The following DAB2IP variants were observed in gnomAD, a reference collection of about 807,000 sequenced individuals.
DAB2IP encodes the protein disabled homolog 2-interacting protein.
DAB2IP carries 28 observed loss-of-function variants against 107.2 expected under a neutral mutation model. The ratio of observed to expected loss-of-function variants is 0.26; its 90% CI spans 0.19 to 0.36. DAB2IP has a LOEUF of 0.36. DAB2IP is among the 10% of genes least tolerant of loss of function. The pLI is 1.00. For missense variants in DAB2IP, 1,400 were observed against 1,644.7 expected (o/e 0.85, Z 2.57); for synonymous variants, 755 against 706.4 (o/e 1.07, Z -1.09).
At chr9:121,773,321 C>A in exon 12 of DAB2IP, 1 of 1,531,766 alleles carries the variant, frequency 6.5e-7, no homozygotes, top group East Asian at 2.4e-5. Context: ...CTCCTGCCCC[C>A]CGCGGCCGGA....
At chr9:121,691,141 G>A (rs1361527707) in intron 2 of DAB2IP, among the ~76,000 whole-genome samples, 1 of 152,176 alleles carries the variant, frequency 6.6e-6, no homozygotes, top group Non-Finnish European at 1.5e-5. Flanking sequence ...AAATATTTGT[G>A]AATTCATTCA....
intron 1 of DAB2IP, among the ~76,000 whole-genome samples, chr9:121,577,781 G>A (rs1021382377): frequency 1.3e-5 from 2 of 152,210 alleles, no homozygotes; most frequent in African/African-American, 2.4e-5. Context: ...TGGCGGTGGA[G>A]GGCGGGGACC....
chr9:121,600,119 G>T (rs146383320), intron 1 of DAB2IP, among the ~76,000 whole-genome samples: 4,041 of 152,132 alleles, frequency 0.027, 77 homozygotes, highest in Non-Finnish European at 0.035. Flanking sequence ...TGGGGGTGGG[G>T]GGTGCCAGCC....
At position 121,633,013 on chromosome 9, in the gene DAB2IP, C is replaced by A. The variant is rs1419551793; in HGVS notation, c.41-45665C>A. On this transcript the variant is annotated intron_variant, in intron 1 of 16. Transcript: ENST00000259371. This position sits in a 1 kb window ranked among gnomAD's most constrained non-coding sequence, Gnocchi z 5.1. ...AACCCTGCTCAGCTTCCCTCTCTCC[C>A]AGACTGAGGGGTTCCAGCTGCTCCG... is the stretch of plus-strand genomic sequence containing the variant. Among the ~76,000 whole-genome samples, 1 of 152,248 alleles carries A rather than the reference C, an allele frequency of 6.6e-6. No individual in the cohort carries two copies. The highest frequency in any genetic ancestry group is 2.4e-5 in the African/African-American group (1 of 41,468).
At chr9:121,582,198 C>CGG (rs1349029377) in intron 1 of DAB2IP, among the ~76,000 whole-genome samples, 1 of 152,120 alleles carries the variant, frequency 6.6e-6, no homozygotes, top group Non-Finnish European at 1.5e-5. Context: ...CCATTTTCAG[C>CGG]GGGCCCAGAA....
chr9:121,724,768 G>A (rs955932396), intron 3 of DAB2IP, among the ~76,000 whole-genome samples: 3 of 152,180 alleles, frequency 2.0e-5, no homozygotes, highest in Non-Finnish European at 2.9e-5. Flanking sequence ...ACAGAACCAG[G>A]ATTTTAGCCC....
chr9:121,757,864 G>A (rs1833604701), intron 4 of DAB2IP, among the ~76,000 whole-genome samples: 1 of 152,256 alleles, frequency 6.6e-6, no homozygotes, highest in African/African-American at 2.4e-5. Context: ...TGCATAACTA[G>A]GAGAGCTCTC....
chr9:121,624,297 G>A (rs1564118073), intron 1 of DAB2IP, among the ~76,000 whole-genome samples: 1 of 152,250 alleles, frequency 6.6e-6, no homozygotes, highest in South Asian at 2.1e-4. Context: ...CAGCTTGTAG[G>A]AGTCACAGAG....
chr9:121,572,272 C>T (rs1290275604), intron 1 of DAB2IP, among the ~76,000 whole-genome samples: 5 of 152,112 alleles, frequency 3.3e-5, no homozygotes, highest in Admixed American at 3.3e-4. Context: ...GTCTGCTCAC[C>T]AGCCTGACTC....
chr9:121,581,915 AC>A (rs1308088887), intron 1 of DAB2IP, among the ~76,000 whole-genome samples: 3 of 152,124 alleles, frequency 2.0e-5, no homozygotes, highest in Middle Eastern at 3.4e-3. Context: ...CCTTCAGCTG[AC>A]CCCGGGCTCA....
intron 1 of DAB2IP, among the ~76,000 whole-genome samples, chr9:121,615,820 C>G (rs1307675871): frequency 6.6e-6 from 1 of 151,898 alleles, no homozygotes; most frequent in African/African-American, 2.4e-5. Flanking sequence ...GAGACAGGGC[C>G]TCACCATATT....
intron 3 of DAB2IP, among the ~76,000 whole-genome samples, chr9:121,723,543 G>A (rs751573064): frequency 2.0e-5 from 3 of 152,218 alleles, no homozygotes; most frequent in Admixed American, 6.5e-5. Flanking sequence ...AGCCCTGGAG[G>A]AAGTGGATTG....
At chr9:121,768,350 G>A in intron 9 of DAB2IP, 82 bp from the exon 10 acceptor site, 1 of 1,435,356 alleles carries the variant, frequency 7.0e-7, no homozygotes, top group Non-Finnish European at 9.8e-7. Context: ...GGGGAAAGCG[G>A]GTGGTGGTGT....
At chr9:121,605,139 C>A (rs919874671) in intron 1 of DAB2IP, among the ~76,000 whole-genome samples, 5 of 152,124 alleles carry the variant, frequency 3.3e-5, no homozygotes, top group Non-Finnish European at 5.9e-5. Context: ...CCCACCTCAG[C>A]CTCCCAAGTA....
At chr9:121,773,552 A>AT in intron 12 of DAB2IP, 57 bp downstream of exon 12, 1 of 1,390,686 alleles carries the variant, frequency 7.2e-7, no homozygotes. Context: ...TGGGGCTGTC[A>AT]TACCCCATAC....
At chr9:121,590,789 A>C (rs565553364) in intron 1 of DAB2IP, among the ~76,000 whole-genome samples, 2 of 152,264 alleles carry the variant, frequency 1.3e-5, no homozygotes, top group Admixed American at 6.5e-5. Flanking sequence ...CACCTACTAC[A>C]TGCCCTTGCT....
intron 3 of DAB2IP, among the ~76,000 whole-genome samples, chr9:121,715,827 G>C (rs1830574431): frequency 6.6e-6 from 1 of 152,214 alleles, no homozygotes; most frequent in Non-Finnish European, 1.5e-5. Context: ...GCAGAGGTGG[G>C]TGGAGGTATG....
At chr9:121,583,282 T>C (rs184644271) in intron 1 of DAB2IP, among the ~76,000 whole-genome samples, 3 of 152,168 alleles carry the variant, frequency 2.0e-5, no homozygotes, top group East Asian at 3.9e-4. Context: ...TCCCAGCAAC[T>C]TGGGAGGCTG....
intron 1 of DAB2IP, among the ~76,000 whole-genome samples, chr9:121,602,838 G>A (rs1419513845): frequency 2.0e-5 from 3 of 152,184 alleles, no homozygotes; most frequent in African/African-American, 7.2e-5. Context: ...GCCTCCCAAA[G>A]TACTGGGATT....
Sources: allele counts gnomAD v4.1 joint callset (sites outside exome capture counted in the v4.1 genomes callset), GRCh38; gene constraint gnomAD v4.1.1; non-coding constraint Gnocchi (gnomAD v3.1); transcripts MANE v1.5; gene names NCBI Gene and HGNC (gene_info 2026-07-23, HGNC 2026-07-21).